MAK: variants seen among roughly 807,000 people sequenced by gnomAD.
MAK encodes the protein male germ cell associated kinase.
Under a neutral mutation model 82.6 loss-of-function variants are expected in MAK, and 65 were observed. That is an observed-to-expected ratio of 0.79 (90% CI 0.64 to 0.97). The LOEUF is 0.97. Among genes scored for constraint, MAK ranks in the 50% least tolerant of loss-of-function variants. The pLI, the probability that MAK is intolerant of heterozygous loss-of-function variation, is 0.00. For synonymous variants in MAK, 250 were observed against 274.2 expected, an observed-to-expected ratio of 0.91 and a Z score of 0.87; for missense variants, 703 against 780.2, an observed-to-expected ratio of 0.90 and a Z score of 1.18.
Position 10,798,857 on chromosome 6 carries a change from T to A in MAK, c.832-2548A>T, listed in dbSNP as rs187099937. Among the ~76,000 whole-genome samples the A allele has an allele frequency of 4.2e-3, 643 of 151,702 alleles. 1 individual carries two copies. The highest frequency in any genetic ancestry group is 6.2e-3 in the Non-Finnish European group (423 of 67,960). On this transcript the variant is annotated intron_variant, in intron 8 of 14. Coordinates refer to ENST00000354489, the MANE Select transcript of MAK (RefSeq NM_001242957.3). ...TTATTTATTTATTTTTGAGACAGAG[T>A]CTCACTCTGTCACCCAGGCTGGAGT...
chr6:10,796,219 G>C lies in MAK; in HGVS notation c.922C>G (p.Gln308Glu). 1 of 1,614,144 alleles carries C rather than the reference G, an allele frequency of 6.2e-7. No individual in the cohort carries two copies. The highest frequency in any genetic ancestry group is 8.5e-7 in the Non-Finnish European group (1 of 1,180,008). ...AAAGATGGCTTTGATTCTAATGGTTGCAGCTGCTTATTTAAAGACTGTTTT... is the reference window on the plus strand; with the variant it reads ...AAAGATGGCTTTGATTCTAATGGTTCCAGCTGCTTATTTAAAGACTGTTTT... ...ESKQSLNKQL[Q>E]PLESKPSLVE... is the part of the protein sequence containing the mutation. Residue 308 changes from glutamine (Q) to glutamate (E), a missense_variant, in exon 9 of 15, where the codon CAA (glutamine) becomes GAA (glutamate). Transcript: ENST00000354489.
In MAK at chr6:10,784,418, A is replaced by G. The variant is rs376755095; in HGVS notation, c.1465+6T>C. 44 of 1,613,950 alleles carry G rather than the reference A, an allele frequency of 2.7e-5. No individual in the cohort carries two copies. The African/African-American group carries it at 5.2e-4, about 19-fold the overall frequency. On this transcript the variant is annotated splice_donor_region_variant and intron_variant, in intron 11 of 14. Coordinates refer to ENST00000354489, the MANE Select transcript of MAK (RefSeq NM_001242957.3). ...TAGCAGCAAACATTTTCTTTGCTCT[A>G]CTTACCTGGAAGATATCTTGATTGT...
At chr6:10,807,017 A>G (rs998020547) in intron 6 of MAK, among the ~76,000 whole-genome samples, 6 of 151,952 alleles carry the variant, frequency 3.9e-5, no homozygotes, top group Non-Finnish European at 8.8e-5. Context: ...AGAATCCCAC[A>G]TTTCTCACTA....
Position 10,775,446 on chromosome 6 carries a change from C to G in MAK, c.1479G>C (p.Lys493Asn). 1 of 1,612,548 alleles carries G rather than the reference C, an allele frequency of 6.2e-7. No homozygotes were observed. Among genetic ancestry groups the G allele is most frequent in the Non-Finnish European group, 8.5e-7 (1 of 1,179,550 alleles). ...TTCCACTGGCTATCAAGGACACCTT[C>G]TTGGGATTCACACCTGAGAAGAACA... ...QSRYLPGVNPKKVSLIASGKE... is the reference protein window; with the variant it reads ...QSRYLPGVNPNKVSLIASGKE... The change falls in exon 12 of 15, where the codon AAG becomes AAC. Residue 493 changes from lysine to asparagine, a missense_variant. Coordinates refer to ENST00000354489, the MANE Select transcript of MAK (RefSeq NM_001242957.3).
At chr6:10,830,137 G>A (rs1158440583) in intron 2 of MAK, among the ~76,000 whole-genome samples, 9 of 149,496 alleles carry the variant, frequency 6.0e-5, no homozygotes, top group African/African-American at 2.2e-4. Context: ...GTGTGTGTGT[G>A]TGTGTGTGTG....
At chr6:10,781,203 G>A (rs536475593) in intron 11 of MAK, among the ~76,000 whole-genome samples, 2 of 152,150 alleles carry the variant, frequency 1.3e-5, no homozygotes, top group Admixed American at 1.3e-4. Context: ...CATGTTTACA[G>A]TCTGATTATC....
At chr6:10,782,128 A>G (rs1025138452) in intron 11 of MAK, among the ~76,000 whole-genome samples, 2 of 151,734 alleles carry the variant, frequency 1.3e-5, no homozygotes, top group Non-Finnish European at 1.5e-5. Flanking sequence ...AATCGCTTCA[A>G]CCCAGGAGGA....
At chr6:10,803,989 G>C (rs1776216826) in intron 6 of MAK, 98 bp from the exon 7 acceptor site, 2 of 1,044,044 alleles carry the variant, frequency 1.9e-6, no homozygotes, top group Middle Eastern at 2.1e-4. Flanking sequence ...TTTCCATCAA[G>C]GAACAGGTAT....
intron 9 of MAK, among the ~76,000 whole-genome samples, chr6:10,792,720 G>T (rs1561957877): frequency 6.6e-6 from 1 of 152,194 alleles, no homozygotes. Flanking sequence ...CCTATGTTGG[G>T]TGCAGGGAGA....
chr6:10,830,352 G>C (rs1378017306), intron 2 of MAK, among the ~76,000 whole-genome samples, 196 bp downstream of exon 2: 2 of 151,612 alleles, frequency 1.3e-5, no homozygotes, highest in African/African-American at 4.9e-5. Flanking sequence ...TTTTAGTAGA[G>C]ACAGGGTTTC....
chr6:10,832,252 A>G (rs548317079), intron 1 of MAK, among the ~76,000 whole-genome samples: 2 of 152,394 alleles, frequency 1.3e-5, no homozygotes, highest in African/African-American at 4.8e-5. Context: ...GATTACAGGC[A>G]TGAACCAGTG....
chr6:10,779,543 TC>T, intron 11 of MAK: 1 of 943,246 alleles, frequency 1.1e-6, no homozygotes, highest in Non-Finnish European at 1.3e-6. Context: ...ATCCTAAAAG[TC>T]GATGCTTAAT....
chr6:10,798,798 CATTATTTATTTATTTA>C (rs1176708298), intron 8 of MAK, among the ~76,000 whole-genome samples: 2 of 145,246 alleles, frequency 1.4e-5, no homozygotes, highest in Non-Finnish European at 3.0e-5. Flanking sequence ...AGTTTAGAAA[CATTATTTATTTATTTA>C]TTTATTTATT....
At chr6:10,802,087 G>A (rs1174165573) in intron 7 of MAK, 28 bp from the exon 8 acceptor site, 1 of 1,602,246 alleles carries the variant, frequency 6.2e-7, no homozygotes, top group East Asian at 2.2e-5. Context: ...AAGTGCAGGT[G>A]GGGAGGGCAA....
At chr6:10,769,988 A>G in intron 14 of MAK, 123 bp downstream of exon 14, 2 of 1,565,872 alleles carry the variant, frequency 1.3e-6, no homozygotes, top group Non-Finnish European at 1.7e-6. Flanking sequence ...ACAAAAAGAA[A>G]TGCGTTAATG....
intron 10 of MAK, among the ~76,000 whole-genome samples, chr6:10,786,796 A>G (rs808464): frequency 3.9e-3 from 389 of 100,924 alleles, no homozygotes; most frequent in African/African-American, 6.2e-3. Context: ...TCACCACTCC[A>G]CTAATTCACC....
intron 10 of MAK, among the ~76,000 whole-genome samples, chr6:10,789,379 A>G (rs1251721591): frequency 1.3e-5 from 2 of 152,148 alleles, no homozygotes; most frequent in African/African-American, 4.8e-5. Context: ...CTGGTGCTTC[A>G]GTGTTTCCAA....
intron 13 of MAK, among the ~76,000 whole-genome samples, chr6:10,770,808 G>A (rs1772939979): frequency 6.6e-6 from 1 of 152,090 alleles, no homozygotes; most frequent in Non-Finnish European, 1.5e-5. Context: ...CGTTAGCATA[G>A]GGATGCATTG....
At chr6:10,813,767 C>A (rs757816283) in intron 4 of MAK, 44 bp from the exon 5 acceptor site, 7 of 1,073,872 alleles carry the variant, frequency 6.5e-6, no homozygotes, top group Non-Finnish European at 1.0e-5. Flanking sequence ...AAGCAACCAG[C>A]CAACCAATCC....
Sources: allele counts gnomAD v4.1 joint callset (sites outside exome capture counted in the v4.1 genomes callset), GRCh38; gene constraint gnomAD v4.1.1; transcripts MANE v1.5; gene names NCBI Gene and HGNC (gene_info 2026-07-23, HGNC 2026-07-21).